Variants in CABLES1 observed in about 807,000 individuals in gnomAD.
CABLES1 encodes the protein Cdk5 and Abl enzyme substrate 1.
A neutral mutation model predicts 57.8 loss-of-function variants in CABLES1; 36 were observed. That is an observed-to-expected ratio of 0.62 (90% CI 0.48 to 0.82). The LOEUF (loss-of-function observed/expected upper bound fraction) is 0.82, where lower values mean the gene tolerates loss of function less well. CABLES1 is among the 40% of genes least tolerant of loss of function. CABLES1 has a pLI of 0.00. For synonymous variants in CABLES1, 374 were observed against 363.0 expected (o/e 1.03, Z -0.35); for missense variants, 767 against 836.6 (o/e 0.92, Z 1.03).
chr18:23,156,509 A>G (rs1476401762), intron 1 of CABLES1, among the ~76,000 whole-genome samples: 1 of 152,184 alleles, frequency 6.6e-6, no homozygotes, highest in Admixed American at 6.5e-5. Context: ...TCATTATACA[A>G]CTTTTAGCTA....
chr18:23,237,312 G>A, intron 7 of CABLES1, 67 bp downstream of exon 7: 1 of 1,062,214 alleles, frequency 9.4e-7, no homozygotes, highest in East Asian at 2.4e-5. Context: ...TTGGTGGCCG[G>A]CTGGGGGCTT....
At chr18:23,235,642 T>C (rs1176213465) in intron 5 of CABLES1, among the ~76,000 whole-genome samples, 1 of 152,232 alleles carries the variant, frequency 6.6e-6, no homozygotes, top group Non-Finnish European at 1.5e-5. Flanking sequence ...TACATTCACA[T>C]TTCTTCCATG....
At chr18:23,247,982 G>A (rs532628447) in intron 7 of CABLES1, among the ~76,000 whole-genome samples, 4 of 152,306 alleles carry the variant, frequency 2.6e-5, no homozygotes, top group South Asian at 2.1e-4. Context: ...ATTTTTCCCC[G>A]CCTCTCTGTC....
intron 1 of CABLES1, among the ~76,000 whole-genome samples, chr18:23,157,436 AC>A (rs1357534882): frequency 1.3e-5 from 2 of 151,840 alleles, no homozygotes; most frequent in Non-Finnish European, 2.9e-5. Context: ...TATTCCTCAT[AC>A]CCTTGAGGTG....
In CABLES1 at chr18:23,194,603, G is replaced by A; in HGVS notation, c.1010+63G>A. 8 of 1,145,910 alleles carry A rather than the reference G, an allele frequency of 7.0e-6. No individual in the cohort carries two copies. In the South Asian group the frequency reaches 9.9e-5, roughly 14 times the overall value. 71.0% of individuals were successfully genotyped at this position (1,145,910 alleles called of 1,614,324 possible). ...GGGTGGAGACAGGGACTGGAGGAGG[G>A]GACAGTTTTAGTGGCCAAAACTCAG... is the stretch of plus-strand genomic sequence containing the variant. On this transcript the variant is annotated intron_variant, in intron 3 of 9. Transcript: ENST00000256925.
At chr18:23,137,258 TA>T (rs772381366) in intron 1 of CABLES1, among the ~76,000 whole-genome samples, 4 of 152,266 alleles carry the variant, frequency 2.6e-5, no homozygotes, top group African/African-American at 4.8e-5. Flanking sequence ...TTGAGTTCGT[TA>T]AACGCTTGTT....
At chr18:23,239,988 C>T (rs755210077) in intron 7 of CABLES1, among the ~76,000 whole-genome samples, 2 of 152,116 alleles carry the variant, frequency 1.3e-5, no homozygotes, top group African/African-American at 4.8e-5. Flanking sequence ...TGTGGTGTTG[C>T]GCGCCTGTAG....
intron 1 of CABLES1, among the ~76,000 whole-genome samples, chr18:23,139,135 C>T (rs768908751): frequency 2.6e-5 from 4 of 152,088 alleles, no homozygotes; most frequent in Non-Finnish European, 4.4e-5. Context: ...GTGGTGGTGG[C>T]TCACGGCTAT....
At chr18:23,149,106 C>A (rs1027657368) in intron 1 of CABLES1, among the ~76,000 whole-genome samples, 13 of 151,992 alleles carry the variant, frequency 8.6e-5, no homozygotes, top group African/African-American at 3.1e-4. Flanking sequence ...GTTGTCCAGG[C>A]TGGTCCCCAA....
chr18:23,175,974 G>A (rs544941402), intron 1 of CABLES1, among the ~76,000 whole-genome samples: 6 of 152,316 alleles, frequency 3.9e-5, no homozygotes, highest in Admixed American at 3.3e-4. Flanking sequence ...CAATCTACAA[G>A]TATTTAGATA....
In CABLES1 at chr18:23,191,932, A is replaced by G. The variant is rs1598821182; in HGVS notation, c.918-2516A>G. Among the ~76,000 whole-genome samples the G allele has an allele frequency of 2.1e-5, 3 of 144,946 alleles. No individual in the cohort carries two copies. The East Asian group carries it at 6.0e-4, about 29-fold the overall frequency. ...AAAAAAAAAAAAAAAAAAAAAAAAAAAAAAAAAAAGGCAACACAACAAACA... is the reference window on the plus strand; with the variant it reads ...AAAAAAAAAAAAAAAAAAAAAAAAAGAAAAAAAAAGGCAACACAACAAACA... On this transcript the variant is annotated intron_variant, in intron 2 of 9. Coordinates refer to ENST00000256925, the MANE Select transcript of CABLES1 (RefSeq NM_001100619.3).
chr18:23,220,948 T>G (rs2047482462), intron 4 of CABLES1, among the ~76,000 whole-genome samples: 1 of 152,170 alleles, frequency 6.6e-6, no homozygotes, highest in Admixed American at 6.5e-5. Flanking sequence ...ATGGTGTTGA[T>G]GCACTGGCTC....
intron 3 of CABLES1, among the ~76,000 whole-genome samples, chr18:23,210,331 G>T (rs1442385113): frequency 6.6e-6 from 1 of 152,274 alleles, no homozygotes; most frequent in East Asian, 1.9e-4. Context: ...AATGATTTGG[G>T]CTTTTTGCAT....
chr18:23,253,578 C>A (rs750959774), intron 8 of CABLES1, 151 bp from the exon 9 acceptor site: 2 of 654,704 alleles, frequency 3.1e-6, no homozygotes, highest in South Asian at 2.0e-5. Context: ...CCATGCATAA[C>A]GCAGCCTTCA....
intron 3 of CABLES1, among the ~76,000 whole-genome samples, chr18:23,194,866 A>G (rs562689375): frequency 1.2e-3 from 189 of 152,250 alleles, no homozygotes; most frequent in African/African-American, 4.4e-3. Context: ...TTATTTGTTT[A>G]TCTGCTTTGT....
At chr18:23,157,329 G>C (rs1330607704) in intron 1 of CABLES1, among the ~76,000 whole-genome samples, 4 of 152,272 alleles carry the variant, frequency 2.6e-5, no homozygotes, top group African/African-American at 9.6e-5. Flanking sequence ...CTTTATCCAG[G>C]TAGTAAAGGC....
chr18:23,160,039 C>CTT (rs869231402), intron 1 of CABLES1, among the ~76,000 whole-genome samples: 5 of 140,864 alleles, frequency 3.5e-5, no homozygotes, highest in African/African-American at 5.2e-5. Flanking sequence ...CAAGCAAGAA[C>CTT]TTTTTTTTTT....
intron 1 of CABLES1, among the ~76,000 whole-genome samples, chr18:23,157,809 C>T (rs1054942489): frequency 1.3e-5 from 2 of 151,836 alleles, no homozygotes; most frequent in African/African-American, 4.8e-5. Context: ...GGCAACAGAG[C>T]GAGACCCTGT....
At chr18:23,188,660 AGCAAGATGGGCCTG>A (rs1409547877) in intron 1 of CABLES1, among the ~76,000 whole-genome samples, 164 bp from the exon 2 acceptor site, 1 of 152,196 alleles carries the variant, frequency 6.6e-6, no homozygotes, top group African/African-American at 2.4e-5. Flanking sequence ...GGATTCAGCC[AGCAAGATGGGCCTG>A]GCGTGCAGGG....
Sources: gnomAD v4.1 joint callset for allele counts (sites outside exome capture counted in the v4.1 genomes callset) on GRCh38, gnomAD v4.1.1 for gene constraint, MANE v1.5 for transcripts, NCBI Gene and HGNC (gene_info 2026-07-23, HGNC 2026-07-21) for gene names.